PPP3CA: variants seen among roughly 807,000 people sequenced by gnomAD.
The protein encoded by PPP3CA is CAM-PRP catalytic subunit.
Under a neutral mutation model 66.5 loss-of-function variants are expected in PPP3CA, and 14 were observed. The ratio of observed to expected loss-of-function variants is 0.21; its 90% confidence interval spans 0.14 to 0.33. The LOEUF is 0.33. Ranked by LOEUF, PPP3CA falls within the 10% of genes least tolerant of loss-of-function variation. The probability of loss-of-function intolerance (pLI) is 1.00; values close to 1 mark genes in which losing one functional copy is unlikely to be tolerated. For missense variants in PPP3CA, 317 were observed against 639.5 expected (o/e 0.50, Z 5.44); for synonymous variants, 232 against 226.2 (o/e 1.03, Z -0.23).
At chr4:101,196,216 T>C (rs1274027796) in intron 1 of PPP3CA, 100 bp from the exon 2 acceptor site, 41 of 1,072,664 alleles carry the variant, frequency 3.8e-5, no homozygotes, top group Middle Eastern at 4.2e-4. Context: ...AACCAACTAA[T>C]ATAATATTTT....
chr4:101,151,932 A>G (rs1723156241), intron 2 of PPP3CA, among the ~76,000 whole-genome samples: 1 of 152,076 alleles, frequency 6.6e-6, no homozygotes, highest in Non-Finnish European at 1.5e-5. Context: ...CTGGGATTAC[A>G]GGCGTGAGCC....
At chr4:101,091,097 G>A (rs866781650) in intron 6 of PPP3CA, among the ~76,000 whole-genome samples, 20 of 152,068 alleles carry the variant, frequency 1.3e-4, no homozygotes, top group East Asian at 5.8e-4. Context: ...ACACGAAAAC[G>A]AATAGAATGC....
At chr4:101,220,170 T>C (rs141097253) in intron 1 of PPP3CA, among the ~76,000 whole-genome samples, 4 of 151,932 alleles carry the variant, frequency 2.6e-5, no homozygotes, top group Non-Finnish European at 5.9e-5. Context: ...GGAAATCAGA[T>C]TTAGTGGCCT....
At chr4:101,091,547 A>T (rs1729941807) in intron 6 of PPP3CA, among the ~76,000 whole-genome samples, 1 of 152,080 alleles carries the variant, frequency 6.6e-6, no homozygotes, top group South Asian at 2.1e-4. Flanking sequence ...AGTGCACTAG[A>T]TTTTCTATTC....
At chr4:101,029,737 A>G (rs1348071101) in intron 12 of PPP3CA, among the ~76,000 whole-genome samples, 1 of 151,260 alleles carries the variant, frequency 6.6e-6, no homozygotes, top group Non-Finnish European at 1.5e-5. Context: ...TAAAGGAAAA[A>G]TAAAAGTCAG....
At chr4:101,121,249 T>C (rs1722017990) in intron 2 of PPP3CA, among the ~76,000 whole-genome samples, 1 of 152,150 alleles carries the variant, frequency 6.6e-6, no homozygotes, top group Admixed American at 6.6e-5. Flanking sequence ...ATTCATAATA[T>C]GTATTTGATA....
intron 2 of PPP3CA, among the ~76,000 whole-genome samples, chr4:101,122,386 G>C (rs1030000057): frequency 6.6e-5 from 10 of 152,136 alleles, no homozygotes; most frequent in African/African-American, 2.4e-4. Context: ...AGAGCTCTTT[G>C]TATGTGTGTG....
intron 1 of PPP3CA, among the ~76,000 whole-genome samples, chr4:101,324,139 GGGAAGGAA>G (rs1381299052): frequency 8.1e-6 from 1 of 122,726 alleles, no homozygotes; most frequent in Non-Finnish European, 1.6e-5. Flanking sequence ...AGGGAAGGAA[GGGAAGGAA>G]GGGAGGGAGG....
intron 1 of PPP3CA, among the ~76,000 whole-genome samples, chr4:101,278,087 C>T (rs547732455): frequency 1.4e-4 from 14 of 100,610 alleles, no homozygotes; most frequent in African/African-American, 6.3e-4. Flanking sequence ...AATTCTGGCA[C>T]CAAACATAAA....
At chr4:101,300,202 C>G (rs1728331881) in intron 1 of PPP3CA, among the ~76,000 whole-genome samples, 1 of 152,170 alleles carries the variant, frequency 6.6e-6, no homozygotes, top group African/African-American at 2.4e-5. Flanking sequence ...TTAACAGATA[C>G]AAATTAGTAA....
chr4:101,282,840 A>G (rs1383855961), intron 1 of PPP3CA, among the ~76,000 whole-genome samples: 1 of 152,168 alleles, frequency 6.6e-6, no homozygotes, highest in Non-Finnish European at 1.5e-5. Flanking sequence ...CATATTTAGC[A>G]TGGACTTTTA....
chr4:101,262,486 T>C (rs1250147837), intron 1 of PPP3CA, among the ~76,000 whole-genome samples: 2 of 152,204 alleles, frequency 1.3e-5, no homozygotes, highest in Non-Finnish European at 2.9e-5. Flanking sequence ...TGGATGCTTA[T>C]GTTCTCTTAA....
intron 1 of PPP3CA, among the ~76,000 whole-genome samples, chr4:101,231,448 G>A (rs531500534): frequency 1.6e-3 from 245 of 151,814 alleles, no homozygotes; most frequent in Non-Finnish European, 2.5e-3. Context: ...ACTGAAAAAG[G>A]AAGTCATACT....
chr4:101,145,592 T>A (rs1439251833), intron 2 of PPP3CA, among the ~76,000 whole-genome samples: 2 of 152,002 alleles, frequency 1.3e-5, no homozygotes, highest in Non-Finnish European at 2.9e-5. Flanking sequence ...TTTAAACTCA[T>A]GAAGACAGAG....
intron 2 of PPP3CA, among the ~76,000 whole-genome samples, chr4:101,123,559 A>G (rs1336113830): frequency 6.6e-6 from 1 of 152,196 alleles, no homozygotes; most frequent in African/African-American, 2.4e-5. Context: ...GGCCAGGCAC[A>G]GTGGCTCACG....
At chr4:101,307,669 T>C (rs1728590205) in intron 1 of PPP3CA, among the ~76,000 whole-genome samples, 1 of 152,222 alleles carries the variant, frequency 6.6e-6, no homozygotes, top group African/African-American at 2.4e-5. Context: ...CAGTTTTTGG[T>C]GGAAATTTTC....
chr4:101,226,390 A>G (rs1725782974), intron 1 of PPP3CA, among the ~76,000 whole-genome samples: 1 of 151,788 alleles, frequency 6.6e-6, no homozygotes, highest in Non-Finnish European at 1.5e-5. Context: ...ACATGTTTCA[A>G]TAACCCAGGC....
chr4:101,324,540 A>T (rs1312463312), intron 1 of PPP3CA, among the ~76,000 whole-genome samples: 1 of 152,192 alleles, frequency 6.6e-6, no homozygotes, highest in Non-Finnish European at 1.5e-5. Flanking sequence ...AAACAGAAGA[A>T]CATTTAAAAA....
At chr4:101,083,307 A>T in intron 6 of PPP3CA, 44 bp from the exon 7 acceptor site, 2 of 1,503,326 alleles carry the variant, frequency 1.3e-6, no homozygotes, top group East Asian at 2.3e-5. Context: ...TTAGGAAATC[A>T]TCAGGAGTAG....
Sources: allele counts gnomAD v4.1 joint callset (sites outside exome capture counted in the v4.1 genomes callset), GRCh38; gene constraint gnomAD v4.1.1; transcripts MANE v1.5; gene names NCBI Gene and HGNC (gene_info 2026-07-23, HGNC 2026-07-21).